SYBU: variants seen among roughly 807,000 people sequenced by gnomAD.
SYBU encodes the protein GOLSYN A protein.
A neutral mutation model predicts 35.9 loss-of-function variants in SYBU; 21 were observed. That is an observed-to-expected ratio of 0.58 (90% CI 0.41 to 0.84). The LOEUF is 0.84. Ranked by LOEUF, SYBU falls within the 40% of genes least tolerant of loss-of-function variation. SYBU has a pLI of 0.00. For synonymous variants in SYBU, 319 were observed against 324.3 expected, an observed-to-expected ratio of 0.98 and a Z score of 0.18; for missense variants, 768 against 848.2, an observed-to-expected ratio of 0.91 and a Z score of 1.17.
Position 109,574,997 on chromosome 8 carries a change from T to A in SYBU, c.1901A>T (p.Asp634Val). The change falls in exon 7 of 7, where the codon GAT becomes GTT. Residue 634 changes from aspartate (D) to valine (V), a missense_variant. Coordinates refer to ENST00000276646, the MANE Select transcript of SYBU (RefSeq NM_001099754.2). Reference sequence around the variant, plus strand: ...CAAGGCCCCGATGTTATACACAGGATCCGTTCCCCCTCTCTGAGTACTGAA... The same window carrying A: ...CAAGGCCCCGATGTTATACACAGGAACCGTTCCCCCTCTCTGAGTACTGAA... ...WAFSTQRGGT[D>V]PVYNIGALLR... 6.3e-7 allele frequency: 1 copy of A among 1,578,708 alleles called. No individual in the cohort carries two copies. The highest frequency in any genetic ancestry group is 8.6e-7 in the Non-Finnish European group (1 of 1,161,154).
At chr8:109,645,894 G>A (rs1011711401), upstream of SYBU, 4 of 154,954 alleles carry the variant, frequency 2.6e-5, no homozygotes, top group African/African-American at 9.6e-5. Flanking sequence ...CTCTAGGATA[G>A]CTGTGAGGGT....
chr8:109,608,766 TATA>T (rs1017079602), intron 3 of SYBU, among the ~76,000 whole-genome samples: 1 of 152,208 alleles, frequency 6.6e-6, no homozygotes, highest in Non-Finnish European at 1.5e-5. Context: ...TTTCCCATTT[TATA>T]ATAATAATAA....
chr8:109,629,649 G>C (rs1006383264), intron 2 of SYBU, among the ~76,000 whole-genome samples: 3 of 151,962 alleles, frequency 2.0e-5, no homozygotes, highest in Non-Finnish European at 2.9e-5. Flanking sequence ...TAGTCCTTTG[G>C]GTATATACCC....
At chr8:109,644,601 G>T (rs763779751) in intron 1 of SYBU, 35 bp downstream of exon 1, 19 of 1,541,452 alleles carry the variant, frequency 1.2e-5, no homozygotes, top group Non-Finnish European at 9.6e-6. Context: ...CGCCTTCCCC[G>T]CCCTCCAGTG....
At chr8:109,617,197 T>C (rs1003853202) in intron 3 of SYBU, among the ~76,000 whole-genome samples, 2 of 152,192 alleles carry the variant, frequency 1.3e-5, no homozygotes, top group Non-Finnish European at 2.9e-5. Flanking sequence ...TGGGTGAACA[T>C]TGTAAACATT....
intron 3 of SYBU, among the ~76,000 whole-genome samples, chr8:109,597,325 TCCTAATTCCAAGG>T (rs1824997172): frequency 1.3e-5 from 2 of 152,136 alleles, no homozygotes; most frequent in South Asian, 2.1e-4. Flanking sequence ...CAGAACTTGT[TCCTAATTCCAAGG>T]CCTAATTCCA....
At chr8:109,587,311 C>CGATA (rs1255673434) in intron 3 of SYBU, among the ~76,000 whole-genome samples, 1 of 152,124 alleles carries the variant, frequency 6.6e-6, no homozygotes, top group African/African-American at 2.4e-5. Context: ...GCCCTGTTCA[C>CGATA]GATACTTTCT....
chr8:109,619,182 T>C (rs962210767), intron 2 of SYBU, 143 bp from the exon 3 acceptor site: 11 of 627,328 alleles, frequency 1.8e-5, no homozygotes, highest in Non-Finnish European at 3.1e-5. Context: ...TGCTGTGGAC[T>C]CTCCTCTCAT....
chr8:109,645,642 T>TTTTTTTTTTTTTTTTTTTTTTTTTTTTTG (rs1250980800), upstream of SYBU: 1 of 285,522 alleles, frequency 3.5e-6, no homozygotes, highest in Admixed American at 4.4e-5. Flanking sequence ...TGTTTTTTTT[T>TTTTTTTTTTTTTTTTTTTTTTTTTTTTTG]TTTTCCGTTG....
At chr8:109,628,342 CTT>C (rs111654259) in intron 2 of SYBU, among the ~76,000 whole-genome samples, 34 of 141,684 alleles carry the variant, frequency 2.4e-4, no homozygotes, top group Admixed American at 2.8e-4. Context: ...AACCACATCT[CTT>C]TTTTTTTTTT....
At chr8:109,630,682 G>A (rs1254900017) in intron 2 of SYBU, among the ~76,000 whole-genome samples, 1 of 152,170 alleles carries the variant, frequency 6.6e-6, no homozygotes, top group East Asian at 1.9e-4. Flanking sequence ...CTGAATTGGA[G>A]AAAAATGGGT....
At chr8:109,615,116 G>T (rs946622339) in intron 3 of SYBU, among the ~76,000 whole-genome samples, 1 of 152,182 alleles carries the variant, frequency 6.6e-6, no homozygotes, top group African/African-American at 2.4e-5. Flanking sequence ...CAGTGTTCCA[G>T]AATCTAGAGC....
At chr8:109,608,145 G>A (rs1586815913) in intron 3 of SYBU, 1 of 522,422 alleles carries the variant, frequency 1.9e-6, no homozygotes, top group East Asian at 3.1e-5. Context: ...AGCCTATCAG[G>A]GAAGAGCACA....
At chr8:109,689,218 G>T (rs1204490506) in intron 1 of SYBU, among the ~76,000 whole-genome samples, 3 of 151,922 alleles carry the variant, frequency 2.0e-5, no homozygotes, top group Non-Finnish European at 4.4e-5. Context: ...CCCTTCACCG[G>T]GTCTTCCCCA....
At chr8:109,607,964 C>A in intron 3 of SYBU, 1 of 1,535,338 alleles carries the variant, frequency 6.5e-7, no homozygotes, top group South Asian at 1.2e-5. Context: ...TGCAAACAGC[C>A]TCCCAGCACA....
chr8:109,579,857 A>C lies in SYBU; in HGVS notation c.676T>G (p.Ser226Ala). 1 of 1,587,914 alleles carries C rather than the reference A, an allele frequency of 6.3e-7. No individual in the cohort carries two copies. Among genetic ancestry groups the C allele is most frequent in the South Asian group, 1.1e-5 (1 of 90,586 alleles). The stretch of plus-strand genomic sequence containing the variant: ...GAGCCTGAGTTGCTACTGCTTGGGG[A>C]AGAAGGTGCATAACTGGGATGGATA... ...VNIHPSYAPS[S>A]PSSSNSGSYK... The change falls in exon 5 of 7, where the codon TCC becomes GCC. Residue 226 changes from serine (S) to alanine (A), a missense_variant. Physicochemically the swap from Ser to Ala is moderately conservative, Grantham distance 99 (BLOSUM62 1). Coordinates refer to ENST00000276646, the MANE Select transcript of SYBU (RefSeq NM_001099754.2).
intron 1 of SYBU, among the ~76,000 whole-genome samples, chr8:109,690,542 G>A (rs939622330): frequency 3.9e-5 from 6 of 152,146 alleles, no homozygotes. Flanking sequence ...ACCTAGCAGT[G>A]GAGTCTCCTG....
At position 109,577,950 on chromosome 8, in the gene SYBU, A is replaced by G. The variant is rs765330462; in HGVS notation, c.802T>C (p.Leu268=). 2 of 1,614,038 alleles carry G rather than the reference A, an allele frequency of 1.2e-6. No individual in the cohort carries two copies. Among genetic ancestry groups the G allele is most frequent in the Non-Finnish European group, 1.7e-6 (2 of 1,179,952 alleles). ...ACCTCTTTCTGCTGCAGTGGAGTCA[A>G]ATACTGCTCTGGGTTTGGGGGTCTG... ...GVRPPNPEQY[L]TPLQQKEVTV... Residue 268 remains leucine (L), a synonymous_variant, in exon 6 of 7, where the codon TTG becomes CTG. Transcript: ENST00000276646.
At chr8:109,613,756 G>C (rs1811446394) in intron 3 of SYBU, among the ~76,000 whole-genome samples, 1 of 152,230 alleles carries the variant, frequency 6.6e-6, no homozygotes, top group African/African-American at 2.4e-5. Context: ...ACATCTGTCA[G>C]CTTCACTGTG....
Sources: allele counts gnomAD v4.1 joint callset (sites outside exome capture counted in the v4.1 genomes callset), GRCh38; gene constraint gnomAD v4.1.1; transcripts MANE v1.5; gene names NCBI Gene and HGNC (gene_info 2026-07-23, HGNC 2026-07-21).